Variants in LMNTD1 observed in about 807,000 individuals in gnomAD.
LMNTD1 encodes lamin tail domain containing 1.
In LMNTD1, 35 loss-of-function variants were observed where a neutral mutation model predicts 50.9. That is an observed-to-expected ratio of 0.69 (90% CI 0.53 to 0.91). The LOEUF is 0.91. LMNTD1 is among the 40% of genes least tolerant of loss of function. The pLI, the probability that LMNTD1 is intolerant of heterozygous loss-of-function variation, is 0.00. For synonymous variants in LMNTD1, 153 were observed against 161.9 expected (o/e 0.94, Z 0.42); for missense variants, 470 against 475.5 (o/e 0.99, Z 0.11).
At chr12:25,592,313 G>A (rs1412298712) in intron 1 of LMNTD1, among the ~76,000 whole-genome samples, 1 of 152,162 alleles carries the variant, frequency 6.6e-6, no homozygotes. Context: ...GCATACATTA[G>A]GAAAGCCAAG....
intron 6 of LMNTD1, among the ~76,000 whole-genome samples, chr12:25,522,129 T>C (rs543715177): frequency 6.6e-6 from 1 of 152,312 alleles, no homozygotes; most frequent in African/African-American, 2.4e-5. Flanking sequence ...TCAGCTAGGC[T>C]AAGCTTCTAG....
At chr12:25,535,451 A>C (rs1257168336) in intron 4 of LMNTD1, among the ~76,000 whole-genome samples, 1 of 152,112 alleles carries the variant, frequency 6.6e-6, no homozygotes, top group African/African-American at 2.4e-5. Flanking sequence ...AAAATATATA[A>C]ATATGCTAAT....
At chr12:25,587,726 A>G (rs560192133) in intron 1 of LMNTD1, among the ~76,000 whole-genome samples, 1 of 152,368 alleles carries the variant, frequency 6.6e-6, no homozygotes, top group Non-Finnish European at 1.5e-5. Context: ...TGAAGAAGAA[A>G]TCACTATTTT....
chr12:25,478,267 T>C (rs989631566), intron 9 of LMNTD1, among the ~76,000 whole-genome samples: 1 of 152,054 alleles, frequency 6.6e-6, no homozygotes, highest in Non-Finnish European at 1.5e-5. Context: ...TCATACATAA[T>C]CTTCAAATAA....
At chr12:25,479,085 T>C (rs1938362492) in intron 9 of LMNTD1, among the ~76,000 whole-genome samples, 1 of 152,198 alleles carries the variant, frequency 6.6e-6, no homozygotes, top group Non-Finnish European at 1.5e-5. Context: ...GATTTCATTT[T>C]GATAGCTCGA....
At chr12:25,578,687 G>A (rs1480016488) in intron 1 of LMNTD1, among the ~76,000 whole-genome samples, 1 of 152,092 alleles carries the variant, frequency 6.6e-6, no homozygotes, top group Non-Finnish European at 1.5e-5. Context: ...GAATTTTTAT[G>A]TGCAGCCTGT....
chr12:25,559,021 T>G (rs1045725849), intron 1 of LMNTD1, among the ~76,000 whole-genome samples: 5 of 152,030 alleles, frequency 3.3e-5, no homozygotes, highest in African/African-American at 1.2e-4. Context: ...CCAATTTTAT[T>G]TAATCACTAT....
chr12:25,496,498 T>C (rs1451384765), intron 9 of LMNTD1, among the ~76,000 whole-genome samples: 1 of 152,176 alleles, frequency 6.6e-6, no homozygotes, highest in African/African-American at 2.4e-5. Flanking sequence ...AAAAATGTTA[T>C]TGACAGTTTT....
chr12:25,567,527 G>A (rs1944602247), intron 1 of LMNTD1, among the ~76,000 whole-genome samples: 1 of 152,130 alleles, frequency 6.6e-6, no homozygotes, highest in African/African-American at 2.4e-5. Context: ...GTGTTGAATT[G>A]TAATCCCCAG....
chr12:25,512,435 T>C (rs1436072788), intron 8 of LMNTD1, among the ~76,000 whole-genome samples: 1 of 152,166 alleles, frequency 6.6e-6, no homozygotes, highest in Non-Finnish European at 1.5e-5. Context: ...TAAAAAATAA[T>C]TAATGCAAAT....
chr12:25,616,562 G>T (rs1946357625), intron 1 of LMNTD1, among the ~76,000 whole-genome samples: 1 of 152,168 alleles, frequency 6.6e-6, no homozygotes, highest in Admixed American at 6.5e-5. Flanking sequence ...GTGGATCCTG[G>T]TGGTGATGGA....
At chr12:25,598,993 A>G (rs1945905860) in intron 1 of LMNTD1, among the ~76,000 whole-genome samples, 1 of 151,922 alleles carries the variant, frequency 6.6e-6, no homozygotes, top group Non-Finnish European at 1.5e-5. Context: ...TTCCAAACTT[A>G]TTCTACGAGG....
At chr12:25,628,968 G>A (rs899243463) in intron 1 of LMNTD1, among the ~76,000 whole-genome samples, 1 of 152,084 alleles carries the variant, frequency 6.6e-6, no homozygotes, top group East Asian at 1.9e-4. Flanking sequence ...TCCCAAAGGT[G>A]GTATGAGAAG....
chr12:25,633,131 T>A (rs534320272), intron 1 of LMNTD1, among the ~76,000 whole-genome samples: 1 of 151,428 alleles, frequency 6.6e-6, no homozygotes, highest in East Asian at 1.9e-4. Flanking sequence ...AATATCACGA[T>A]CCTAAACATA....
chr12:25,491,835 G>A (rs140448893), intron 9 of LMNTD1, among the ~76,000 whole-genome samples: 5 of 152,314 alleles, frequency 3.3e-5, no homozygotes, highest in Admixed American at 3.3e-4. Flanking sequence ...TTCCCATTGT[G>A]GGGGCAGGTT....
At chr12:25,627,831 C>T (rs1021239021) in intron 1 of LMNTD1, among the ~76,000 whole-genome samples, 3 of 152,062 alleles carry the variant, frequency 2.0e-5, no homozygotes, top group African/African-American at 4.8e-5. Flanking sequence ...AAGGATGGGC[C>T]GGGCGCGGTG....
intron 1 of LMNTD1, among the ~76,000 whole-genome samples, chr12:25,646,015 C>A (rs906790036): frequency 9.9e-5 from 15 of 152,036 alleles, no homozygotes; most frequent in African/African-American, 3.4e-4. Flanking sequence ...GAGGACAAAT[C>A]CTGGGTTGGT....
chr12:25,507,580 T>C (rs1939900591), intron 8 of LMNTD1, among the ~76,000 whole-genome samples: 1 of 152,170 alleles, frequency 6.6e-6, no homozygotes, highest in African/African-American at 2.4e-5. Context: ...ATCTCTCAGT[T>C]GAAATGTGGC....
At chr12:25,510,371 T>A (rs2135981260) in intron 8 of LMNTD1, among the ~76,000 whole-genome samples, 1 of 152,198 alleles carries the variant, frequency 6.6e-6, no homozygotes, top group East Asian at 1.9e-4. Context: ...TCTTATGACT[T>A]CCATATTTTG....
Sources: allele counts gnomAD v4.1 joint callset (sites outside exome capture counted in the v4.1 genomes callset), GRCh38; gene constraint gnomAD v4.1.1; transcripts MANE v1.5; gene names NCBI Gene and HGNC (gene_info 2026-07-23, HGNC 2026-07-21).